Variants in NXPH2 observed in about 807,000 individuals in gnomAD.
The protein encoded by NXPH2 is neurexophilin 2, also known as neurexophilin-2.
A neutral mutation model predicts 19.8 loss-of-function variants in NXPH2; 5 were observed. The observed-to-expected ratio is 0.25, with a 90% CI of 0.13 to 0.53. The LOEUF is 0.53. NXPH2 is among the 20% of genes least tolerant of loss of function. The pLI is 0.96. For missense variants in NXPH2, 289 were observed against 322.8 expected (o/e 0.90, Z 0.80); for synonymous variants, 154 against 127.4 (o/e 1.21, Z -1.41).
At chr2:138,731,072 C>T (rs1681441038) in intron 1 of NXPH2, among the ~76,000 whole-genome samples, 1 of 152,168 alleles carries the variant, frequency 6.6e-6, no homozygotes, top group African/African-American at 2.4e-5. Flanking sequence ...TGTTCCTCTC[C>T]TTCAGAGCTT....
chr2:138,733,406 C>G (rs568055076), intron 1 of NXPH2, among the ~76,000 whole-genome samples: 4 of 152,072 alleles, frequency 2.6e-5, no homozygotes, highest in Non-Finnish European at 5.9e-5. Context: ...TCTGTGTAAA[C>G]CTAGAGGAAA....
At chr2:138,775,900 T>A (rs542937516) in intron 1 of NXPH2, among the ~76,000 whole-genome samples, 1 of 152,258 alleles carries the variant, frequency 6.6e-6, no homozygotes, top group African/African-American at 2.4e-5. Context: ...AAGATAGAAA[T>A]GAGATTCTTT....
At chr2:138,719,287 A>G (rs1252441021) in intron 1 of NXPH2, among the ~76,000 whole-genome samples, 1 of 152,140 alleles carries the variant, frequency 6.6e-6, no homozygotes, top group Non-Finnish European at 1.5e-5. Context: ...CATCCCTATA[A>G]AGGTAAGAAA....
chr2:138,746,504 A>G (rs1479837668), intron 1 of NXPH2, among the ~76,000 whole-genome samples: 1 of 152,222 alleles, frequency 6.6e-6, no homozygotes, highest in Non-Finnish European at 1.5e-5. Flanking sequence ...TTAGTCTGTG[A>G]CAGACCTCAG....
At position 138,713,173 on chromosome 2, in the gene NXPH2, C is replaced by T. The variant is rs566737083; in HGVS notation, c.52-41508G>A. Among the ~76,000 whole-genome samples the T allele has an allele frequency of 1.4e-4, 22 of 152,282 alleles. 2 individuals are homozygous for T. The South Asian group carries it at 4.6e-3, about 32-fold the overall frequency. On this transcript the variant is annotated intron_variant, in intron 1 of 1. Coordinates refer to ENST00000272641, the MANE Select transcript of NXPH2 (RefSeq NM_007226.3). ...CCATTCAGGATCTACTTCCCCACTG[C>T]CGATGGTTCTTCTGAGATGGATCTG...
chr2:138,700,133 C>CA (rs1176332612), intron 1 of NXPH2, among the ~76,000 whole-genome samples: 1 of 152,118 alleles, frequency 6.6e-6, no homozygotes, highest in Non-Finnish European at 1.5e-5. Flanking sequence ...GTTCCCTGAG[C>CA]AAGTGCACCC....
In NXPH2 at chr2:138,746,400, C is replaced by T. The variant is rs557161072; in HGVS notation, c.51+33791G>A. Among the ~76,000 whole-genome samples the T allele has an allele frequency of 7.9e-5, 12 of 152,160 alleles. No homozygotes were observed. The East Asian group carries it at 2.3e-3, about 29-fold the overall frequency. ...GGACATGACTGAAACTAAGAACCTC[C>T]CTTGGGGAGGAACTGGCCAAAGCTT... On this transcript the variant is annotated intron_variant, in intron 1 of 1. Transcript: ENST00000272641.
intron 1 of NXPH2, 84 bp from the exon 2 acceptor site, chr2:138,671,749 T>A: frequency 7.7e-7 from 1 of 1,293,142 alleles, no homozygotes; most frequent in Non-Finnish European, 1.1e-6. Context: ...GCAAGGGAAA[T>A]TATTTCAACA....
intron 1 of NXPH2, among the ~76,000 whole-genome samples, chr2:138,767,821 C>G (rs1464991599): frequency 1.3e-5 from 2 of 152,046 alleles, no homozygotes; most frequent in Non-Finnish European, 2.9e-5. Flanking sequence ...CTCTCATTGC[C>G]TCTGTCCTCT....
chr2:138,764,599 C>CA (rs1682064567), intron 1 of NXPH2, among the ~76,000 whole-genome samples: 2 of 152,058 alleles, frequency 1.3e-5, no homozygotes, highest in African/African-American at 4.8e-5. Context: ...CAAATATTTT[C>CA]AAAAAATGTT....
chr2:138,716,793 T>C (rs1681202395), intron 1 of NXPH2, among the ~76,000 whole-genome samples: 1 of 152,194 alleles, frequency 6.6e-6, no homozygotes, highest in Admixed American at 6.5e-5. Flanking sequence ...GTGATGGTTC[T>C]AGTTCCCACC....
intron 1 of NXPH2, among the ~76,000 whole-genome samples, chr2:138,686,594 C>T (rs1372827423): frequency 6.6e-6 from 1 of 152,004 alleles, no homozygotes; most frequent in Non-Finnish European, 1.5e-5. Context: ...GGTACATGTG[C>T]ACAACGTGCA....
chr2:138,676,976 C>T (rs1045712207), intron 1 of NXPH2, among the ~76,000 whole-genome samples: 1 of 152,054 alleles, frequency 6.6e-6, no homozygotes, highest in Admixed American at 6.6e-5. Flanking sequence ...ATCTTTGATT[C>T]CAATCTACTA....
chr2:138,707,107 A>AAAAAAAAAAAAAAAAAAAAAAAAAAAC (rs1558918445), intron 1 of NXPH2, among the ~76,000 whole-genome samples: 8 of 146,534 alleles, frequency 5.5e-5, no homozygotes, highest in African/African-American at 2.0e-4. Flanking sequence ...AAAAAAAAAA[A>AAAAAAAAAAAAAAAAAAAAAAAAAAAC]AAAAAGAGCA....
chr2:138,760,436 T>C (rs1681992276), intron 1 of NXPH2, among the ~76,000 whole-genome samples: 1 of 152,140 alleles, frequency 6.6e-6, no homozygotes, highest in Admixed American at 6.6e-5. Context: ...TGGGAAGATA[T>C]ATATAGAACA....
chr2:138,722,868 G>A (rs1349816011), intron 1 of NXPH2, among the ~76,000 whole-genome samples: 1 of 152,136 alleles, frequency 6.6e-6, no homozygotes, highest in Non-Finnish European at 1.5e-5. Flanking sequence ...TTCCTTTGAG[G>A]TTCTTTGGCC....
At chr2:138,704,695 G>C (rs1254916765) in intron 1 of NXPH2, among the ~76,000 whole-genome samples, 1 of 152,116 alleles carries the variant, frequency 6.6e-6, no homozygotes, top group Non-Finnish European at 1.5e-5. Flanking sequence ...TGCTCTCTCA[G>C]CAAGTCTGCA....
At chr2:138,680,285 G>C (rs976817185) in intron 1 of NXPH2, among the ~76,000 whole-genome samples, 4 of 152,172 alleles carry the variant, frequency 2.6e-5, no homozygotes, top group African/African-American at 9.7e-5. Context: ...GATGAAGGAG[G>C]CTGCAAAGTG....
chr2:138,705,953 T>C (rs1230126030), intron 1 of NXPH2, among the ~76,000 whole-genome samples: 1 of 152,210 alleles, frequency 6.6e-6, no homozygotes, highest in Non-Finnish European at 1.5e-5. Context: ...TGTTCCTTCA[T>C]ATTCCCCATA....
Sources: allele counts gnomAD v4.1 joint callset (sites outside exome capture counted in the v4.1 genomes callset), GRCh38; gene constraint gnomAD v4.1.1; transcripts MANE v1.5; gene names NCBI Gene and HGNC (gene_info 2026-07-23, HGNC 2026-07-21).